FAM171A1: variants seen among roughly 807,000 people sequenced by gnomAD.
FAM171A1 encodes protein FAM171A1.
Under a neutral mutation model 74.9 loss-of-function variants are expected in FAM171A1, and 23 were observed. The observed-to-expected ratio is 0.31, with a 90% CI of 0.22 to 0.44. The LOEUF (loss-of-function observed/expected upper bound fraction) is 0.44, where lower values mean the gene tolerates loss of function less well. FAM171A1 is among the 20% of genes least tolerant of loss of function. FAM171A1 has a pLI of 1.00. For synonymous variants in FAM171A1, 527 were observed against 505.7 expected (o/e 1.04, Z -0.57); for missense variants, 1,162 against 1,159.2 (o/e 1.00, Z -0.03).
At chr10:15,246,073 T>C (rs1209273335) in intron 5 of FAM171A1, among the ~76,000 whole-genome samples, 1 of 152,112 alleles carries the variant, frequency 6.6e-6, no homozygotes, top group Non-Finnish European at 1.5e-5. Context: ...ACCATGACCT[T>C]GATGCCCCCC....
chr10:15,228,087 T>C (rs1052609860), intron 5 of FAM171A1, among the ~76,000 whole-genome samples: 2 of 152,122 alleles, frequency 1.3e-5, no homozygotes, highest in Non-Finnish European at 2.9e-5. Flanking sequence ...CCCAAAACAA[T>C]GTCTAATTTG....
intron 1 of FAM171A1, among the ~76,000 whole-genome samples, chr10:15,331,026 A>AT (rs974059921): frequency 6.6e-6 from 1 of 151,866 alleles, no homozygotes; most frequent in African/African-American, 2.4e-5. Context: ...AGTAGCTGGG[A>AT]TTACAGGCGC....
At chr10:15,366,388 G>A (rs1306475789) in intron 1 of FAM171A1, among the ~76,000 whole-genome samples, 5 of 152,156 alleles carry the variant, frequency 3.3e-5, no homozygotes, top group African/African-American at 1.2e-4. Flanking sequence ...CCAAAGTGCT[G>A]GGATTACAGG....
At chr10:15,248,960 C>T (rs1564622459) in intron 4 of FAM171A1, 145 bp from the exon 5 acceptor site, 3 of 671,820 alleles carry the variant, frequency 4.5e-6, no homozygotes, top group South Asian at 5.0e-5. Context: ...TAATCCTCAC[C>T]ACAACCCAGT....
intron 1 of FAM171A1, among the ~76,000 whole-genome samples, chr10:15,331,833 A>G (rs868277284): frequency 3.2e-5 from 4 of 124,958 alleles, no homozygotes; most frequent in Admixed American, 9.0e-5. Flanking sequence ...ATATGTGTGT[A>G]TATATATGTG....
At chr10:15,312,542 A>C (rs972923323) in intron 1 of FAM171A1, among the ~76,000 whole-genome samples, 2 of 149,570 alleles carry the variant, frequency 1.3e-5, no homozygotes, top group African/African-American at 5.0e-5. Flanking sequence ...GTCCCTCCAT[A>C]CCCCCAGGGC....
chr10:15,249,530 T>C (rs1365711727), intron 4 of FAM171A1, among the ~76,000 whole-genome samples: 3 of 152,238 alleles, frequency 2.0e-5, no homozygotes, highest in Non-Finnish European at 2.9e-5. Context: ...GTGAGCCCCA[T>C]GCACATGTTA....
chr10:15,332,555 T>C (rs79125923), intron 1 of FAM171A1, among the ~76,000 whole-genome samples: 2,652 of 152,270 alleles, frequency 0.017, 77 homozygotes, highest in African/African-American at 0.06. Context: ...AATCAATACA[T>C]GGAAGCAACG....
upstream of FAM171A1, among the ~76,000 whole-genome samples, chr10:15,372,304 T>G (rs759137202): frequency 1.3e-5 from 2 of 152,104 alleles, no homozygotes; most frequent in Non-Finnish European, 2.9e-5. Context: ...TAAAGAGGGT[T>G]AAGGAATTTG....
chr10:15,325,050 T>C lies in FAM171A1; in HGVS notation c.98-40945A>G, dbSNP rs186606640. ...TCTAATGATAAATATCTAATGGGAATAAACTGGCTAATAATGAGATGAGCT... is the reference window on the plus strand; with the variant it reads ...TCTAATGATAAATATCTAATGGGAACAAACTGGCTAATAATGAGATGAGCT... On this transcript the variant is annotated intron_variant, in intron 1 of 7. Transcript: ENST00000378116. Among the ~76,000 whole-genome samples the C allele has an allele frequency of 2.0e-5, 3 of 152,334 alleles. No homozygotes were observed. In the East Asian group the frequency reaches 5.8e-4, roughly 29 times the overall value.
chr10:15,313,465 C>G (rs1835387737), intron 1 of FAM171A1, among the ~76,000 whole-genome samples: 1 of 152,208 alleles, frequency 6.6e-6, no homozygotes, highest in South Asian at 2.1e-4. Flanking sequence ...AACACTTAAT[C>G]TTCCTCCTAA....
rs1834884824 is a variant in FAM171A1 at position 15,275,758 on chromosome 10, T to C, written c.418+97A>G. The C allele has an allele frequency of 6.7e-6, 5 of 747,952 alleles. No homozygotes were observed. The Admixed American group carries it at 1.4e-4, about 21-fold the overall frequency. The allele number at this position is 747,952 out of a possible 1,614,324, so 46.3% of individuals were successfully genotyped here. On this transcript the variant is annotated intron_variant, in intron 3 of 7. Coordinates refer to ENST00000378116, the MANE Select transcript of FAM171A1 (RefSeq NM_001010924.2). The stretch of plus-strand genomic sequence containing the variant: ...TGTGTTTGATTTAATCAATCCACCT[T>C]GTATACAAACATCACATCACATTGT...
intron 1 of FAM171A1, among the ~76,000 whole-genome samples, chr10:15,358,698 C>A (rs925074177): frequency 1.3e-5 from 2 of 152,160 alleles, no homozygotes; most frequent in African/African-American, 4.8e-5. Flanking sequence ...TATCAAGTAC[C>A]AAGCCTCCCT....
chr10:15,361,303 C>T (rs1835990397), intron 1 of FAM171A1, among the ~76,000 whole-genome samples: 1 of 152,068 alleles, frequency 6.6e-6, no homozygotes, highest in South Asian at 2.1e-4. Flanking sequence ...GAAACCACAC[C>T]ACAACCACAC....
At chr10:15,247,386 C>T (rs1834448301) in intron 5 of FAM171A1, among the ~76,000 whole-genome samples, 1 of 152,184 alleles carries the variant, frequency 6.6e-6, no homozygotes, top group Non-Finnish European at 1.5e-5. Context: ...ATCCTCCCGC[C>T]TCAGCCTCCC....
chr10:15,212,760 T>C lies in FAM171A1; in HGVS notation c.*155A>G. 2 of 1,034,316 alleles carry C rather than the reference T, an allele frequency of 1.9e-6. No individual in the cohort carries two copies. Among genetic ancestry groups the C allele is most frequent in the South Asian group, 3.2e-5 (2 of 63,392 alleles). 64.1% of individuals were successfully genotyped at this position (1,034,316 alleles called of 1,614,324 possible). ...TTCCGAGTAATAACTTTAATTCCTT[T>C]CTAACATTTACACGGCAAACAGGAA... On this transcript the variant is annotated 3_prime_UTR_variant, in exon 8 of 8. Coordinates refer to ENST00000378116, the MANE Select transcript of FAM171A1 (RefSeq NM_001010924.2).
At chr10:15,243,201 A>G (rs1193149630) in intron 5 of FAM171A1, among the ~76,000 whole-genome samples, 1 of 152,124 alleles carries the variant, frequency 6.6e-6, no homozygotes, top group South Asian at 2.1e-4. Context: ...TCCAAAGTGC[A>G]TGGCTCCGGC....
intron 1 of FAM171A1, among the ~76,000 whole-genome samples, chr10:15,337,361 C>T (rs1835713188): frequency 1.3e-5 from 2 of 152,184 alleles, no homozygotes; most frequent in African/African-American, 2.4e-5. Context: ...TTTTTGGTGG[C>T]TTAAGCTGAA....
chr10:15,282,371 C>T (rs981571653), intron 2 of FAM171A1, among the ~76,000 whole-genome samples: 1 of 152,168 alleles, frequency 6.6e-6, no homozygotes, highest in Non-Finnish European at 1.5e-5. Flanking sequence ...GCTGTCAGTT[C>T]AATGTTAATG....
Sources: allele counts gnomAD v4.1 joint callset (sites outside exome capture counted in the v4.1 genomes callset), GRCh38; gene constraint gnomAD v4.1.1; transcripts MANE v1.5; gene names NCBI Gene and HGNC (gene_info 2026-07-23, HGNC 2026-07-21).